The following PCDH7 variants were observed in gnomAD, a reference collection of about 807,000 sequenced individuals.
PCDH7 encodes the protein protocadherin 7, also known as protocadherin-7.
Under a neutral mutation model 58.9 loss-of-function variants are expected in PCDH7, and 17 were observed. That is an observed-to-expected ratio of 0.29 (90% CI 0.20 to 0.43). PCDH7 has a LOEUF of 0.43. Ranked by LOEUF, PCDH7 falls within the 20% of genes least tolerant of loss-of-function variation. The pLI, the probability that PCDH7 is intolerant of heterozygous loss-of-function variation, is 1.00. For missense variants in PCDH7, 1,274 were observed against 1,441.0 expected (o/e 0.88, Z 1.88); for synonymous variants, 664 against 616.4 (o/e 1.08, Z -1.14).
At chr4:30,874,137 C>A (rs1578126863) in intron 1 of PCDH7, among the ~76,000 whole-genome samples, 1 of 152,064 alleles carries the variant, frequency 6.6e-6, no homozygotes, top group African/African-American at 2.4e-5. Flanking sequence ...GTCAGTGTGG[C>A]AATTCCTCAG....
chr4:30,754,649 A>T (rs1368362536), intron 1 of PCDH7, among the ~76,000 whole-genome samples: 1 of 152,186 alleles, frequency 6.6e-6, no homozygotes, highest in Non-Finnish European at 1.5e-5. Context: ...ATTCAAAGAG[A>T]TTCATCATTT....
intron 1 of PCDH7, among the ~76,000 whole-genome samples, chr4:30,775,678 C>A (rs540119430): frequency 6.6e-6 from 1 of 152,022 alleles, no homozygotes; most frequent in Non-Finnish European, 1.5e-5. Context: ...GAGGCCAAGG[C>A]GGGAGGATCA....
intron 1 of PCDH7, among the ~76,000 whole-genome samples, chr4:30,841,363 C>A (rs1303766729): frequency 2.0e-5 from 3 of 152,076 alleles, no homozygotes; most frequent in Non-Finnish European, 2.9e-5. Context: ...GTTCAAGGAA[C>A]TAAATTGTTT....
At chr4:30,917,585 T>G (rs1319593106) in intron 1 of PCDH7, among the ~76,000 whole-genome samples, 2 of 151,964 alleles carry the variant, frequency 1.3e-5, no homozygotes, top group Non-Finnish European at 2.9e-5. Context: ...AAAGAATTGA[T>G]GGATCTAAGT....
intron 3 of PCDH7, among the ~76,000 whole-genome samples, chr4:31,131,372 C>A (rs1718966334): frequency 6.6e-6 from 1 of 152,130 alleles, no homozygotes; most frequent in African/African-American, 2.4e-5. Context: ...CACCAGAGAT[C>A]ATTTTCTTCC....
At position 31,052,936 on chromosome 4, in the gene PCDH7, T is replaced by C. The variant is rs118123975; in HGVS notation, c.*8-89537T>C. On this transcript the variant is annotated intron_variant, in intron 3 of 3. Transcript: ENST00000509759. ...TCTCCTTTTTCTCTTCAACTTTTCT[T>C]TACCCCCTTTTAAGTATTTTAATGC... Among the ~76,000 whole-genome samples the C allele has an allele frequency of 9.6e-4, 146 of 152,282 alleles. 1 individual carries two copies. In the East Asian group the frequency reaches 0.026, roughly 28 times the overall value.
At position 30,722,122 on chromosome 4, in the gene PCDH7, G is replaced by C. The variant is rs527485611; in HGVS notation, c.700G>C (p.Gly234Arg). The change falls in exon 1 of 2, where the codon GGC becomes CGC. Residue 234 changes from glycine to arginine, a missense_variant. Physicochemically the swap from Gly to Arg is moderately radical, Grantham distance 125. Coordinates refer to ENST00000361762, the Ensembl canonical transcript of PCDH7. The surrounding 1 kb of genome is among the most constrained non-coding windows in gnomAD (Gnocchi z 7.6). The stretch of plus-strand genomic sequence containing the variant: ...GCTGGACGCATCAGAGGGCGGCGGC[G>C]GCACCAACCCCGGCGGCCGCAGCAG... 1 of 1,425,198 alleles carries C rather than the reference G, an allele frequency of 7.0e-7. No individual in the cohort carries two copies. Among genetic ancestry groups the C allele is most frequent in the Non-Finnish European group, 9.1e-7 (1 of 1,095,502 alleles). The allele number at this position is 1,425,198 out of a possible 1,614,324, so 88.3% of individuals were successfully genotyped here.
chr4:31,020,085 C>G (rs1254272392), intron 3 of PCDH7, among the ~76,000 whole-genome samples: 1 of 151,830 alleles, frequency 6.6e-6, no homozygotes, highest in Non-Finnish European at 1.5e-5. Flanking sequence ...CTATACAGAC[C>G]CCTAGTCCCA....
chr4:31,024,314 T>C (rs531893730), intron 3 of PCDH7, among the ~76,000 whole-genome samples: 2 of 152,334 alleles, frequency 1.3e-5, no homozygotes, highest in African/African-American at 4.8e-5. Context: ...TTTTTATTCC[T>C]GTTAAAAACT....
chr4:31,029,224 AAAT>A lies in PCDH7; in HGVS notation c.*7+79010_*7+79012del, dbSNP rs199651963. Among the ~76,000 whole-genome samples the A allele has an allele frequency of 6.1e-3, 930 of 152,348 alleles. 5 individuals are homozygous for A. The highest frequency in any genetic ancestry group is 0.022 in the African/African-American group (903 of 41,584). The stretch of plus-strand genomic sequence containing the variant: ...TAATGCATCACAAGCAACTGTAACC[AAAT>A]TAAAGGCCTATAAGTCCATTTTTTT... On this transcript the variant is annotated intron_variant, in intron 3 of 3. Transcript: ENST00000509759.
downstream of PCDH7, chr4:31,145,620 T>C (rs1169269779): frequency 6.6e-6 from 1 of 152,124 alleles, no homozygotes; most frequent in Non-Finnish European, 1.5e-5. Flanking sequence ...TGTCCATGTT[T>C]ATTTTCTGAA....
At chr4:30,819,128 AG>A (rs1728039492) in intron 1 of PCDH7, among the ~76,000 whole-genome samples, 1 of 152,142 alleles carries the variant, frequency 6.6e-6, no homozygotes, top group African/African-American at 2.4e-5. Flanking sequence ...GTTTTCTGTG[AG>A]GGTACAGGAG....
chr4:30,840,582 A>C (rs944281076), intron 1 of PCDH7, among the ~76,000 whole-genome samples: 2 of 152,190 alleles, frequency 1.3e-5, no homozygotes, highest in Non-Finnish European at 2.9e-5. Context: ...TATAGAAACA[A>C]TAATGAGAAA....
intron 1 of PCDH7, among the ~76,000 whole-genome samples, chr4:30,754,190 T>TGTGTGTGTG: frequency 2.4e-5 from 3 of 126,878 alleles, no homozygotes; most frequent in African/African-American, 9.0e-5. Flanking sequence ...GTGTGTGTGT[T>TGTGTGTGTG]TTTTCTGGAG....
At chr4:31,136,047 A>C (rs2109341929) in intron 3 of PCDH7, among the ~76,000 whole-genome samples, 1 of 152,376 alleles carries the variant, frequency 6.6e-6, no homozygotes, top group East Asian at 1.9e-4. Context: ...GGAAACTAAA[A>C]TCAAGGAACT....
In PCDH7 at chr4:31,078,709, C is replaced by G. The variant is rs145784581; in HGVS notation, c.*8-63764C>G. On this transcript the variant is annotated intron_variant, in intron 3 of 3. Transcript: ENST00000509759. ...GTAATTTTCAAGTAATTTAGTAAGTCAATCCCAAAATTTGTTTGGAATATT... is the reference window on the plus strand; with the variant it reads ...GTAATTTTCAAGTAATTTAGTAAGTGAATCCCAAAATTTGTTTGGAATATT... Among the ~76,000 whole-genome samples the G allele has an allele frequency of 5.0e-3, 623 of 125,698 alleles. 4 individuals carry two copies. Among genetic ancestry groups the G allele is most frequent in the African/African-American group, 0.018 (588 of 32,878 alleles). The allele number at this position is 125,698 out of a possible 152,430, so 82.5% of individuals were successfully genotyped here.
At chr4:30,914,060 C>A (rs1742104314) in intron 1 of PCDH7, among the ~76,000 whole-genome samples, 1 of 152,142 alleles carries the variant, frequency 6.6e-6, no homozygotes, top group African/African-American at 2.4e-5. Flanking sequence ...GGCCTCCCAA[C>A]AGCAGAAGAG....
At chr4:30,916,317 A>G (rs773338950) in intron 1 of PCDH7, among the ~76,000 whole-genome samples, 3 of 152,128 alleles carry the variant, frequency 2.0e-5, no homozygotes, top group Non-Finnish European at 4.4e-5. Flanking sequence ...CCTCTTTCAT[A>G]AGGAACTGTC....
intron 1 of PCDH7, among the ~76,000 whole-genome samples, chr4:30,744,214 C>G (rs1260541106): frequency 6.6e-6 from 1 of 152,034 alleles, no homozygotes; most frequent in African/African-American, 2.4e-5. Context: ...AATGTTTTTT[C>G]AACTTCAGTG....
Sources: allele counts gnomAD v4.1 joint callset (sites outside exome capture counted in the v4.1 genomes callset), GRCh38; gene constraint gnomAD v4.1.1; non-coding constraint Gnocchi (gnomAD v3.1); transcripts MANE v1.5; gene names NCBI Gene and HGNC (gene_info 2026-07-23, HGNC 2026-07-21).